The following DOCK1 variants were observed in gnomAD, a reference collection of about 807,000 sequenced individuals.
DOCK1 encodes dedicator of cytokinesis 1, also known as dedicator of cytokinesis protein 1.
DOCK1 carries 138 observed loss-of-function variants against 262.7 expected under a neutral mutation model. That is an observed-to-expected ratio of 0.53 (90% confidence interval 0.46 to 0.61). The LOEUF (loss-of-function observed/expected upper bound fraction) is 0.61, where lower values mean the gene tolerates loss of function less well. DOCK1 is among the 20% of genes least tolerant of loss of function. The probability of loss-of-function intolerance (pLI) is 0.00; values close to 1 mark genes in which losing one functional copy is unlikely to be tolerated. For synonymous variants in DOCK1, 866 were observed against 867.4 expected, an observed-to-expected ratio of 1.00 and a Z score of 0.03; for missense variants, 1,908 against 2,370.7, an observed-to-expected ratio of 0.80 and a Z score of 4.05.
chr10:127,451,643 G>A lies in DOCK1; in HGVS notation c.*216G>A. ...GTCTGGGAGGTAGATATGGGTCCGG[G>A]ATGTGCTATCGTAGTTATCAGAGTT... On this transcript the variant is annotated 3_prime_UTR_variant, in exon 52 of 52. Transcript: ENST00000623213. 4 of 1,170,238 alleles carry A rather than the reference G, an allele frequency of 3.4e-6. No homozygotes were observed. Among genetic ancestry groups the A allele is most frequent in the Non-Finnish European group, 4.6e-6 (4 of 868,296 alleles). 72.5% of individuals were successfully genotyped at this position (1,170,238 alleles called of 1,614,324 possible).
intron 1 of DOCK1, among the ~76,000 whole-genome samples, chr10:126,936,549 G>C (rs2034568818): frequency 6.6e-6 from 1 of 152,094 alleles, no homozygotes. Flanking sequence ...ACCATTCTTA[G>C]CTCACAGGAG....
chr10:127,315,168 G>A (rs1217914592), intron 29 of DOCK1, among the ~76,000 whole-genome samples: 1 of 152,140 alleles, frequency 6.6e-6, no homozygotes, highest in East Asian at 1.9e-4. Context: ...TCCTCCGTGA[G>A]AGTGGGTTAG....
At chr10:127,131,226 G>T (rs557312907) in intron 27 of DOCK1, among the ~76,000 whole-genome samples, 1 of 152,074 alleles carries the variant, frequency 6.6e-6, no homozygotes. Flanking sequence ...AGCACTGTCC[G>T]GGAATGGAAG....
In DOCK1 at chr10:127,196,701, C is replaced by T. The variant is rs867120730; in HGVS notation, c.2848-51307C>T. 3.2e-4 allele frequency among the ~76,000 whole-genome samples: 46 copies of T among 142,884 alleles called. No individual in the cohort carries two copies. The Middle Eastern group carries it at 0.011, about 34-fold the overall frequency. The allele number at this position is 142,884 out of a possible 152,430, so 93.7% of individuals were successfully genotyped here. The stretch of plus-strand genomic sequence containing the variant: ...GAGTGGAGGAGCCCCCTCCCGCCGC[C>T]GCCAGAGCTGGAGGAGGAGGAGGAA... On this transcript the variant is annotated intron_variant, in intron 27 of 51. Transcript: ENST00000623213.
intron 51 of DOCK1, among the ~76,000 whole-genome samples, chr10:127,450,678 T>G (rs2070898536): frequency 6.6e-6 from 1 of 152,206 alleles, no homozygotes; most frequent in South Asian, 2.1e-4. Flanking sequence ...GCAAGGGGTT[T>G]GCTATTATCT....
At chr10:127,098,324 G>A (rs2136159102) in intron 23 of DOCK1, among the ~76,000 whole-genome samples, 1 of 152,336 alleles carries the variant, frequency 6.6e-6, no homozygotes, top group Non-Finnish European at 1.5e-5. Context: ...CCACAATGAA[G>A]ATGGCACTTT....
chr10:127,178,843 G>A (rs1370337819), intron 27 of DOCK1, among the ~76,000 whole-genome samples: 1 of 152,190 alleles, frequency 6.6e-6, no homozygotes, highest in Non-Finnish European at 1.5e-5. Context: ...ATGGCTTTTA[G>A]AGATTCTTAT....
intron 1 of DOCK1, among the ~76,000 whole-genome samples, chr10:126,923,666 G>A (rs1197779652): frequency 2.6e-5 from 4 of 152,170 alleles, no homozygotes; most frequent in African/African-American, 9.7e-5. Flanking sequence ...CATTCTCCAA[G>A]CAATCTGCCA....
In DOCK1 at chr10:127,216,364, C is replaced by T. The variant is rs144289561; in HGVS notation, c.2848-31644C>T. On this transcript the variant is annotated intron_variant, in intron 27 of 51. Coordinates refer to ENST00000623213, the MANE Select transcript of DOCK1 (RefSeq NM_001290223.2). ...CAAGCCCTCGAAACCAACCTGAAAG[C>T]GCAGGATACAGATACTTATGGGCAG... 6.3e-3 allele frequency among the ~76,000 whole-genome samples: 959 copies of T among 151,332 alleles called. 13 individuals carry two copies. Among genetic ancestry groups the T allele is most frequent in the African/African-American group, 0.022 (896 of 41,260 alleles).
At chr10:126,968,313 C>T (rs2037831615) in intron 1 of DOCK1, among the ~76,000 whole-genome samples, 1 of 148,104 alleles carries the variant, frequency 6.8e-6, no homozygotes, top group Non-Finnish European at 1.5e-5. Context: ...ATCATTAGTC[C>T]TAAAATGAAC....
chr10:127,391,927 G>A (rs1181395874), intron 38 of DOCK1, among the ~76,000 whole-genome samples: 1 of 151,728 alleles, frequency 6.6e-6, no homozygotes. Context: ...CAAACCTCAG[G>A]GATTCTCCCA....
In DOCK1 at chr10:127,064,780, A is replaced by G. The variant is rs1302229944; in HGVS notation, c.2445+3004A>G. On this transcript the variant is annotated intron_variant, in intron 23 of 51. Transcript: ENST00000623213. ...AAATAACATGAAATTCCCCATTTCT[A>G]AGTGTCCCGTTCAGTGGCATTAAGT... 3.9e-5 allele frequency among the ~76,000 whole-genome samples: 6 copies of G among 152,196 alleles called. No homozygotes were observed. In the South Asian group the frequency reaches 1.2e-3, roughly 31 times the overall value.
chr10:127,048,491 T>G (rs571119517), intron 21 of DOCK1, among the ~76,000 whole-genome samples: 2 of 152,324 alleles, frequency 1.3e-5, no homozygotes, highest in African/African-American at 4.8e-5. Context: ...TGTCTTTCGA[T>G]GAGCAGAAAT....
intron 1 of DOCK1, among the ~76,000 whole-genome samples, chr10:126,948,566 G>A (rs1159634449): frequency 6.6e-6 from 1 of 151,904 alleles, no homozygotes; most frequent in African/African-American, 2.4e-5. Context: ...GTGGGGTCGG[G>A]ATAGGCACCC....
chr10:126,947,949 G>A (rs992913902), intron 1 of DOCK1, among the ~76,000 whole-genome samples: 70 of 148,240 alleles, frequency 4.7e-4, no homozygotes, highest in African/African-American at 1.6e-3. Context: ...GGTGGTGGTG[G>A]TGGTGGTTGG....
intron 3 of DOCK1, among the ~76,000 whole-genome samples, chr10:126,979,294 G>A (rs2038777212): frequency 6.6e-6 from 1 of 152,180 alleles, no homozygotes; most frequent in South Asian, 2.1e-4. Context: ...ACTGAAGTGG[G>A]AGGATTGCTT....
intron 1 of DOCK1, among the ~76,000 whole-genome samples, chr10:126,941,982 A>G (rs915838464): frequency 3.3e-5 from 5 of 151,920 alleles, no homozygotes; most frequent in Admixed American, 3.3e-4. Flanking sequence ...AGGAGGGGAG[A>G]GCCAAGAGGG....
chr10:127,296,253 C>T (rs1342658987), intron 29 of DOCK1, among the ~76,000 whole-genome samples: 3 of 152,192 alleles, frequency 2.0e-5, no homozygotes, highest in African/African-American at 7.2e-5. Flanking sequence ...TACAATGCAA[C>T]AAAGCATCAC....
chr10:127,284,810 A>C (rs1040312455), intron 29 of DOCK1, among the ~76,000 whole-genome samples: 2 of 152,064 alleles, frequency 1.3e-5, no homozygotes, highest in African/African-American at 4.8e-5. Flanking sequence ...ACATTGTTTT[A>C]ATTACCATTT....
Sources: allele counts gnomAD v4.1 joint callset (sites outside exome capture counted in the v4.1 genomes callset), GRCh38; gene constraint gnomAD v4.1.1; transcripts MANE v1.5; gene names NCBI Gene and HGNC (gene_info 2026-07-23, HGNC 2026-07-21).